The following TAB2 variants were observed in gnomAD, a reference collection of about 807,000 sequenced individuals.
TAB2 encodes TGF-beta activated kinase 1 (MAP3K7) binding protein 2.
Under a neutral mutation model 65.0 loss-of-function variants are expected in TAB2, and 3 were observed. The ratio of observed to expected loss-of-function variants is 0.05; its 90% CI spans 0.02 to 0.12. The LOEUF is 0.12. Among genes scored for constraint, TAB2 ranks in the 10% least tolerant of loss-of-function variants. The pLI, the probability that TAB2 is intolerant of heterozygous loss-of-function variation, is 1.00. For synonymous variants in TAB2, 298 were observed against 285.1 expected (o/e 1.05, Z -0.46); for missense variants, 623 against 840.3 (o/e 0.74, Z 3.20).
rs770823390 is a variant in TAB2 at position 149,379,123 on chromosome 6, A to G, written c.1208A>G (p.Asn403Ser). 6.2e-6 allele frequency: 10 copies of G among 1,614,048 alleles called. No homozygotes were observed. Among genetic ancestry groups the G allele is most frequent in the Non-Finnish European group, 8.5e-6 (10 of 1,180,038 alleles). ...ACAGGAGATGAACAGGTCATGCGGA[A>G]TCAGCCCACACTCTTCATATCCACA... ...AATGDEQVMR[N>S]QPTLFISTNS... Residue 403 changes from asparagine to serine, a missense_variant, in exon 3 of 7, where the codon AAT becomes AGT. Asn to Ser is a conservative substitution (Grantham distance 46). Around this residue, in one of 3 missense-constraint regions of TAB2, gnomAD observed 550 missense variants for 665.7 expected, o/e 0.83. Coordinates refer to ENST00000637181, the MANE Select transcript of TAB2 (RefSeq NM_001292034.3).
Position 149,311,427 on chromosome 6 carries a change from C to T in TAB2, c.-120-66591C>T, listed in dbSNP as rs114509096. ...CTTAGTTTCTCTTAAACTGTCTACC[C>T]GTTTTATTATTGCCATTAATAGTTG... On this transcript the variant is annotated intron_variant, in intron 1 of 1. Coordinates refer to the TAB2 transcript ENST00000606202. Among the ~76,000 whole-genome samples the T allele has an allele frequency of 2.7e-3, 407 of 152,260 alleles. 1 individual carries two copies. The highest frequency in any genetic ancestry group is 9.2e-3 in the African/African-American group (382 of 41,534).
At chr6:149,357,191 G>T (rs111230095) in intron 1 of TAB2, among the ~76,000 whole-genome samples, 35,618 of 151,880 alleles carry the variant, frequency 0.23, 4,377 homozygotes, top group Non-Finnish European at 0.26. Context: ...GCTGAGGCAG[G>T]CAGATCACGA....
chr6:149,248,285 G>T (rs545144778), intron 1 of TAB2, among the ~76,000 whole-genome samples: 1 of 152,016 alleles, frequency 6.6e-6, no homozygotes, highest in South Asian at 2.1e-4. Flanking sequence ...CCAACTACTT[G>T]GGAGGCTGAG....
chr6:149,227,738 T>C (rs1777313293), intron 1 of TAB2, among the ~76,000 whole-genome samples: 1 of 152,334 alleles, frequency 6.6e-6, no homozygotes, highest in South Asian at 2.1e-4. Context: ...CATGCTGAAG[T>C]ATTTACAAAT....
intron 1 of TAB2, among the ~76,000 whole-genome samples, chr6:149,289,105 C>T (rs975318467): frequency 6.6e-5 from 10 of 151,978 alleles, no homozygotes; most frequent in East Asian, 1.9e-4. Flanking sequence ...GTGATCCACC[C>T]GCCTCAGCCT....
Position 149,400,330 on chromosome 6 carries a change from G to C in TAB2, c.1939+1146G>C, listed in dbSNP as rs150999965. The C allele has an allele frequency of 5.4e-4, 838 of 1,558,392 alleles. 3 individuals carry two copies. Among genetic ancestry groups the C allele is most frequent in the African/African-American group, 5.0e-3 (370 of 73,906 alleles). On this transcript the variant is annotated intron_variant, in intron 6 of 6. Coordinates refer to ENST00000637181, the MANE Select transcript of TAB2 (RefSeq NM_001292034.3). ...TGCTCTTCCTGCTGCTCGTGTACTC[G>C]TTAGGTGCGGACCCGCCACCTCTTT...
Position 149,398,074 on chromosome 6 carries a change from T to C in TAB2, c.1858+12T>C, listed in dbSNP as rs2114943250. On this transcript the variant is annotated intron_variant, in intron 5 of 6. Transcript: ENST00000637181. ...TTTTCAAGCCCGAGGTAAAGTTCAGTGTATTTGTAGCTGAAATTCATCGTA... is the reference window on the plus strand; with the variant it reads ...TTTTCAAGCCCGAGGTAAAGTTCAGCGTATTTGTAGCTGAAATTCATCGTA... 1 of 1,607,936 alleles carries C rather than the reference T, an allele frequency of 6.2e-7. No individual in the cohort carries two copies. The highest frequency in any genetic ancestry group is 8.5e-7 in the Non-Finnish European group (1 of 1,174,824).
intron 2 of TAB2, among the ~76,000 whole-genome samples, chr6:149,375,343 C>T (rs1203833086): frequency 6.6e-6 from 1 of 151,810 alleles, no homozygotes; most frequent in African/African-American, 2.4e-5. Context: ...TTATAAAACC[C>T]CTGTAAGTTC....
At chr6:149,264,482 T>TA (rs1052255278) in intron 1 of TAB2, among the ~76,000 whole-genome samples, 83 of 151,902 alleles carry the variant, frequency 5.5e-4, no homozygotes, top group African/African-American at 2.0e-3. Flanking sequence ...TTTTTACTTT[T>TA]TTTGGTAAAA....
At chr6:149,389,054 C>G (rs945487776) in intron 3 of TAB2, among the ~76,000 whole-genome samples, 1 of 149,532 alleles carries the variant, frequency 6.7e-6, no homozygotes, top group Non-Finnish European at 1.5e-5. Context: ...CTCCCAGGTT[C>G]AAGCAATTCC....
At chr6:149,242,380 A>G (rs1019557545) in intron 1 of TAB2, among the ~76,000 whole-genome samples, 4 of 152,252 alleles carry the variant, frequency 2.6e-5, no homozygotes, top group Admixed American at 6.5e-5. Flanking sequence ...ACCTTTAAGT[A>G]TAAACTAAAG....
intron 1 of TAB2, among the ~76,000 whole-genome samples, chr6:149,238,640 A>G (rs1777542795): frequency 6.6e-6 from 1 of 152,132 alleles, no homozygotes; most frequent in Admixed American, 6.5e-5. Flanking sequence ...ACGATACTTA[A>G]CAGTTGCCAC....
chr6:149,223,907 A>G (rs1372847401), intron 1 of TAB2, among the ~76,000 whole-genome samples: 7 of 152,170 alleles, frequency 4.6e-5, no homozygotes, highest in Non-Finnish European at 7.3e-5. Context: ...GAAAAGAAAA[A>G]AAAAAACTGT....
intron 1 of TAB2, among the ~76,000 whole-genome samples, chr6:149,291,113 A>T (rs1778768610): frequency 6.6e-6 from 1 of 152,236 alleles, no homozygotes; most frequent in Non-Finnish European, 1.5e-5. Flanking sequence ...AAAATCAAAC[A>T]CAAGCCCTGA....
intron 6 of TAB2, chr6:149,400,314 T>A (rs1782330336): frequency 6.7e-7 from 1 of 1,501,250 alleles, no homozygotes; most frequent in African/African-American, 1.4e-5. Flanking sequence ...CTGCTCTTCC[T>A]GCTGCTCGTG....
At chr6:149,274,866 C>T (rs552530609) in intron 1 of TAB2, among the ~76,000 whole-genome samples, 15 of 152,202 alleles carry the variant, frequency 9.9e-5, no homozygotes, top group East Asian at 1.9e-4. Context: ...ACATGGGCTA[C>T]GACTATAGGC....
intron 1 of TAB2, among the ~76,000 whole-genome samples, chr6:149,335,968 A>G (rs1316719948): frequency 6.6e-6 from 1 of 152,064 alleles, no homozygotes; most frequent in Non-Finnish European, 1.5e-5. Flanking sequence ...CTGCTTTCTG[A>G]AATAGTAACA....
chr6:149,364,464 A>G (rs1780974686), intron 1 of TAB2, among the ~76,000 whole-genome samples: 1 of 152,094 alleles, frequency 6.6e-6, no homozygotes, highest in Non-Finnish European at 1.5e-5. Flanking sequence ...CAGGCAGCAG[A>G]CCGAGTGCAG....
chr6:149,374,558 T>G (rs1479930239), intron 2 of TAB2, among the ~76,000 whole-genome samples: 1 of 152,204 alleles, frequency 6.6e-6, no homozygotes, highest in East Asian at 1.9e-4. Context: ...TATTACTGTT[T>G]AGCACCCCTA....
Sources: gnomAD v4.1 joint callset for allele counts (sites outside exome capture counted in the v4.1 genomes callset) on GRCh38, gnomAD v4.1.1 for gene constraint, gnomAD v4.1.1 regional missense constraint, MANE v1.5 for transcripts, NCBI Gene and HGNC (gene_info 2026-07-23, HGNC 2026-07-21) for gene names.